ADAMTS9: variants seen among roughly 807,000 people sequenced by gnomAD.
ADAMTS9 encodes A disintegrin and metalloproteinase with thrombospondin motifs 9.
Under a neutral mutation model 257.1 loss-of-function variants are expected in ADAMTS9, and 107 were observed. That is an observed-to-expected ratio of 0.42 (90% confidence interval 0.36 to 0.49). ADAMTS9 has a LOEUF of 0.49. ADAMTS9 is among the 20% of genes least tolerant of loss of function. The pLI, the probability that ADAMTS9 is intolerant of heterozygous loss-of-function variation, is 0.03. For missense variants in ADAMTS9, 2,353 were observed against 2,469.1 expected (o/e 0.95, Z 1.00); for synonymous variants, 982 against 880.9 (o/e 1.11, Z -2.03).
intron 28 of ADAMTS9, among the ~76,000 whole-genome samples, chr3:64,573,257 T>C (rs560076169): frequency 6.6e-6 from 1 of 152,282 alleles, no homozygotes; most frequent in South Asian, 2.1e-4. Context: ...GGCACAGTTC[T>C]ATGTATCTAG....
At chr3:64,603,705 A>AT (rs942619127) in intron 25 of ADAMTS9, among the ~76,000 whole-genome samples, 1 of 152,198 alleles carries the variant, frequency 6.6e-6, no homozygotes, top group African/African-American at 2.4e-5. Flanking sequence ...CGATTTATCC[A>AT]TTTTTTGAAA....
chr3:64,521,173 G>A (rs1486055024), intron 39 of ADAMTS9, among the ~76,000 whole-genome samples: 1 of 152,136 alleles, frequency 6.6e-6, no homozygotes, highest in Non-Finnish European at 1.5e-5. Flanking sequence ...AGACACACAA[G>A]CAGCCAACAA....
chr3:64,587,449 G>C (rs1269537962), intron 28 of ADAMTS9: 1 of 152,126 alleles, frequency 6.6e-6, no homozygotes, highest in Middle Eastern at 3.2e-3. Context: ...TAGCTATTTA[G>C]AGTAATTTAA....
intron 37 of ADAMTS9, among the ~76,000 whole-genome samples, chr3:64,538,448 T>C (rs773424204): frequency 1.3e-5 from 2 of 151,730 alleles, no homozygotes; most frequent in African/African-American, 2.4e-5. Context: ...CTGAAAAATT[T>C]AGGAAACCCG....
chr3:64,541,512 T>C lies in ADAMTS9; in HGVS notation c.5292+14A>G, dbSNP rs750385148. On this transcript the variant is annotated intron_variant, in intron 34 of 39. Transcript: ENST00000498707. ...AAAACATTCTTGAAATAATGACTGG[T>C]GTCTGACATTCACCTTCAGAAGCTT... 1.1e-5 allele frequency: 18 copies of C among 1,610,890 alleles called. No homozygotes were observed. In the South Asian group the frequency reaches 1.6e-4, roughly 15 times the overall value.
At chr3:64,641,735 G>T in intron 12 of ADAMTS9, 113 bp downstream of exon 12, 4 of 1,398,394 alleles carry the variant, frequency 2.9e-6, no homozygotes, top group Non-Finnish European at 3.9e-6. Context: ...TGAAGTTTAC[G>T]TTCTTTCTAG....
intron 38 of ADAMTS9, 54 bp downstream of exon 38, chr3:64,533,112 A>AGAAC: frequency 6.7e-7 from 1 of 1,503,318 alleles, no homozygotes. Context: ...AATAAAGACA[A>AGAAC]GAACGAAAGA....
At position 64,649,879 on chromosome 3, in the gene ADAMTS9, G is replaced by C. The variant is rs1260969313; in HGVS notation, c.1464-101C>G. On this transcript the variant is annotated intron_variant, in intron 9 of 39. Transcript: ENST00000498707. Reference sequence around the variant, plus strand: ...CACCCCACCATTGTAATGGTAGAGAGGACAGTTACTTTTTAACATGTGCTT... The same window carrying C: ...CACCCCACCATTGTAATGGTAGAGACGACAGTTACTTTTTAACATGTGCTT... The C allele has an allele frequency of 1.4e-5, 19 of 1,358,376 alleles. No homozygotes were observed. In the East Asian group the frequency reaches 4.1e-4, roughly 29 times the overall value. 84.1% of individuals were successfully genotyped at this position (1,358,376 alleles called of 1,614,324 possible). A position where few individuals can be genotyped will look rare whatever the true frequency, so the allele number is the denominator to read the frequency against.
chr3:64,554,074 C>T (rs754309636), intron 30 of ADAMTS9, among the ~76,000 whole-genome samples: 66 of 152,118 alleles, frequency 4.3e-4, no homozygotes, highest in Non-Finnish European at 8.4e-4. Flanking sequence ...CTAATTATTG[C>T]GCAGCTAAAC....
intron 38 of ADAMTS9, among the ~76,000 whole-genome samples, chr3:64,529,817 G>GGTTTT (rs143526995): frequency 2.9e-4 from 44 of 151,874 alleles, no homozygotes; most frequent in African/African-American, 9.7e-4. Context: ...TCATGTGGTG[G>GGTTTT]GTTTTGTTTT....
intron 39 of ADAMTS9, among the ~76,000 whole-genome samples, chr3:64,519,538 G>T (rs973003111): frequency 2.0e-5 from 3 of 152,020 alleles, no homozygotes. Context: ...ACATTGACAT[G>T]AAAATCCTCA....
chr3:64,533,415 A>C (rs915198169), intron 37 of ADAMTS9, 145 bp from the exon 38 acceptor site: 4 of 667,800 alleles, frequency 6.0e-6, no homozygotes, highest in African/African-American at 3.6e-5. Flanking sequence ...GATAGTATTT[A>C]GTTTTGTTTG....
rs1576110933 is a variant in ADAMTS9 at position 64,607,134 on chromosome 3, T to C, written c.3355-55A>G. 14 of 1,598,478 alleles carry C rather than the reference T, an allele frequency of 8.8e-6. No individual in the cohort carries two copies. In the South Asian group the frequency reaches 1.3e-4, roughly 15 times the overall value. On this transcript the variant is annotated intron_variant, in intron 22 of 39. Transcript: ENST00000498707. ...AATTCAGCAAATCTTCTCTTTCCCTTACTTTCCCCATAACATTCTGCAAGA... is the reference window on the plus strand; with the variant it reads ...AATTCAGCAAATCTTCTCTTTCCCTCACTTTCCCCATAACATTCTGCAAGA...
chr3:64,654,861 C>A (rs1701023095), intron 6 of ADAMTS9, among the ~76,000 whole-genome samples: 1 of 152,214 alleles, frequency 6.6e-6, no homozygotes, highest in African/African-American at 2.4e-5. Context: ...TAAGAAATCT[C>A]TCCAACCAGG....
intron 30 of ADAMTS9, among the ~76,000 whole-genome samples, chr3:64,558,010 C>T (rs1025720696): frequency 2.6e-5 from 4 of 152,162 alleles, no homozygotes; most frequent in Non-Finnish European, 5.9e-5. Context: ...CATCAAGACT[C>T]GCCTGGTGAC....
chr3:64,519,576 A>G (rs1363399975), intron 39 of ADAMTS9, among the ~76,000 whole-genome samples: 1 of 152,232 alleles, frequency 6.6e-6, no homozygotes, highest in Non-Finnish European at 1.5e-5. Flanking sequence ...TGAATCCAGC[A>G]ACATACCAAA....
At chr3:64,655,950 G>T in intron 4 of ADAMTS9, 75 bp from the exon 5 acceptor site, 2 of 886,044 alleles carry the variant, frequency 2.3e-6, no homozygotes, top group South Asian at 2.1e-5. Context: ...TCTTACGTTG[G>T]GCTCCACCTC....
At chr3:64,621,637 C>G (rs60189590) in intron 18 of ADAMTS9, among the ~76,000 whole-genome samples, 1,750 of 152,002 alleles carry the variant, frequency 0.012, 34 homozygotes, top group African/African-American at 0.04. Context: ...TGGCATGCAC[C>G]TGTGATCCCA....
intron 31 of ADAMTS9, among the ~76,000 whole-genome samples, chr3:64,547,256 C>T (rs2083212681): frequency 6.6e-6 from 1 of 152,076 alleles, no homozygotes. Context: ...CTCCAGCTGT[C>T]ATTCATTCAG....
Sources: gnomAD v4.1 joint callset for allele counts (sites outside exome capture counted in the v4.1 genomes callset) on GRCh38, gnomAD v4.1.1 for gene constraint, MANE v1.5 for transcripts, NCBI Gene and HGNC (gene_info 2026-07-23, HGNC 2026-07-21) for gene names.